CFB: variants seen among roughly 807,000 people sequenced by gnomAD.
CFB encodes complement factor B, also known as B-factor, properdin.
Under a neutral mutation model 97.2 loss-of-function variants are expected in CFB, and 59 were observed. That is an observed-to-expected ratio of 0.61 (90% CI 0.49 to 0.75). The LOEUF is 0.75. Among genes scored for constraint, CFB ranks in the 30% least tolerant of loss-of-function variants. The pLI is 0.00. For synonymous variants in CFB, 316 were observed against 351.7 expected, an observed-to-expected ratio of 0.90 and a Z score of 1.14; for missense variants, 771 against 959.8, an observed-to-expected ratio of 0.80 and a Z score of 2.60.
rs749805841 is a variant in CFB, at chr6:31,948,068, A to G, written c.884A>G (p.Asn295Ser). 1.9e-6 allele frequency: 3 copies of G among 1,614,180 alleles called. No individual in the cohort carries two copies. Among genetic ancestry groups the G allele is most frequent in the Non-Finnish European group, 2.5e-6 (3 of 1,180,054 alleles). Residue 295 changes from asparagine (N) to serine (S), a missense_variant, in exon 6 of 18, where the codon AAC (asparagine) becomes AGC (serine). Coordinates refer to ENST00000425368, the MANE Select transcript of CFB (RefSeq NM_001710.6). ...ACAGGAGCCAAAAAGTGTCTAGTCA[A>G]CTTAATTGAGAAGGTGGAATCCTCC... Reference protein sequence around the residue: ...NFTGAKKCLVNLIEKVASYGV... With the variant: ...NFTGAKKCLVSLIEKVASYGV...
At chr6:31,948,302 A>G (rs1157372047) in intron 6 of CFB, 72 bp from the exon 7 acceptor site, 14 of 1,605,882 alleles carry the variant, frequency 8.7e-6, no homozygotes, top group African/African-American at 1.3e-5. Flanking sequence ...CTGTCCCAGC[A>G]AAGTCGCTGA....
Position 31,947,847 on chromosome 6 carries a change from T to G in CFB, c.760+4T>G. On this transcript the variant is annotated splice_donor_region_variant and intron_variant, in intron 5 of 17. Coordinates refer to ENST00000425368, the MANE Select transcript of CFB (RefSeq NM_001710.6). The surrounding 1 kb of genome is among the most constrained non-coding windows in gnomAD (Gnocchi z 5.3). ...GCTGAGGATGGGCACGGCCCAGGTT[T>G]GAAGACAGAGAAGGGAGGCAGGGCA... 1 of 1,613,926 alleles carries G rather than the reference T, an allele frequency of 6.2e-7. No homozygotes were observed.
chr6:31,950,075 T>C lies in CFB; in HGVS notation c.1434T>C (p.Cys478=). Residue 478 remains cysteine (C), a synonymous_variant, in exon 11 of 18, where the codon TGT becomes TGC. Coordinates refer to ENST00000425368, the MANE Select transcript of CFB (RefSeq NM_001710.6). ...MIDESQSLSL[C]GMVWEHRKGT... ...ATGAAAGCCAGTCTCTGAGTCTCTG[T>C]GGCATGGTTTGGGAACACAGGAAGG... 6.2e-7 allele frequency: 1 copy of C among 1,613,068 alleles called. No homozygotes were observed. Among genetic ancestry groups the C allele is most frequent in the Non-Finnish European group, 8.5e-7 (1 of 1,180,038 alleles).
chr6:31,946,875 G>T lies in CFB; in HGVS notation c.299-132G>T, dbSNP rs770163335. 3.8e-5 allele frequency: 35 copies of T among 930,238 alleles called. No homozygotes were observed. Among genetic ancestry groups the T allele is most frequent in the Non-Finnish European group, 5.5e-5 (32 of 583,584 alleles). 57.6% of individuals were successfully genotyped at this position (930,238 alleles called of 1,614,324 possible). On this transcript the variant is annotated intron_variant, in intron 2 of 17. Transcript: ENST00000425368. This position sits in a 1 kb window ranked among gnomAD's most constrained non-coding sequence, Gnocchi z 6.4. Reference sequence around the variant, plus strand: ...AGTGGAAATCCATATGGGTTGAGGAGTAGGTAAGATGCTGCTTCTGCGGGA... The same window carrying T: ...AGTGGAAATCCATATGGGTTGAGGATTAGGTAAGATGCTGCTTCTGCGGGA...
chr6:31,947,400 C>T lies in CFB; in HGVS notation c.537C>T (p.Ser179=), dbSNP rs1251197649. ...GIPIGTRKVG[S]QYRLEDSVTY... is the part of the protein sequence containing the mutation. ...CCATTGGCACAAGGAAGGTGGGCAG[C>T]CAGTACCGCCTTGAAGACAGCGTCA... The change falls in exon 4 of 18, where the codon AGC becomes AGT. Residue 179 remains serine (S), a synonymous_variant. Coordinates refer to ENST00000425368, the MANE Select transcript of CFB (RefSeq NM_001710.6). The surrounding 1 kb of genome is among the most constrained non-coding windows in gnomAD (Gnocchi z 5.3). The T allele has an allele frequency of 1.2e-6, 2 of 1,612,932 alleles. No individual in the cohort carries two copies. Among genetic ancestry groups the T allele is most frequent in the Non-Finnish European group, 1.7e-6 (2 of 1,180,034 alleles).
rs747955294 is a variant in CFB at position 31,947,808 on chromosome 6, T to C, written c.725T>C (p.Ile242Thr). The change falls in exon 5 of 18, where the codon ATA (isoleucine) becomes ACA (threonine). Residue 242 changes from isoleucine to threonine, a missense_variant. Transcript: ENST00000425368. The surrounding 1 kb of genome is among the most constrained non-coding windows in gnomAD (Gnocchi z 5.3). ...EAFLSSLTETIEGVDAEDGHG... is the reference protein window; with the variant it reads ...EAFLSSLTETTEGVDAEDGHG... ...TTCCTGTCTTCCCTGACAGAGACCA[T>C]AGAAGGAGTCGATGCTGAGGATGGG... 8 of 1,613,400 alleles carry C rather than the reference T, an allele frequency of 5.0e-6. No homozygotes were observed. The highest frequency in any genetic ancestry group is 1.3e-5 in the African/African-American group (1 of 74,848).
At chr6:31,949,122 A>T in intron 8 of CFB, 121 bp from the exon 9 acceptor site, 1 of 1,423,502 alleles carries the variant, frequency 7.0e-7, no homozygotes. Flanking sequence ...AATTCTTCCT[A>T]AGCCCTGTGA....
At position 31,950,601 on chromosome 6, in the gene CFB, C is replaced by G; in HGVS notation, c.1625-18C>G. ...GGAAGCTGCCCACAAAGAGGTGGTA[C>G]CTACTCTCCTACTTCAGGAGGGGAG... On this transcript the variant is annotated intron_variant, in intron 12 of 17. Transcript: ENST00000425368. 6.2e-7 allele frequency: 1 copy of G among 1,612,832 alleles called. No individual in the cohort carries two copies. The highest frequency in any genetic ancestry group is 8.5e-7 in the Non-Finnish European group (1 of 1,179,992).
chr6:31,951,284 A>G lies in CFB; in HGVS notation c.1956+40A>G, dbSNP rs1292932366. The G allele has an allele frequency of 2.5e-6, 4 of 1,613,646 alleles. No individual in the cohort carries two copies. Among genetic ancestry groups the G allele is most frequent in the Non-Finnish European group, 3.4e-6 (4 of 1,179,998 alleles). Reference sequence around the variant, plus strand: ...TCCTAAGGAGGCACTCTAGGCCCCAATCCTTCCTAAGCCACTTCTGTTCAT... The same window carrying G: ...TCCTAAGGAGGCACTCTAGGCCCCAGTCCTTCCTAAGCCACTTCTGTTCAT... On this transcript the variant is annotated intron_variant, in intron 15 of 17. Transcript: ENST00000425368. The surrounding 1 kb of genome is among the most constrained non-coding windows in gnomAD (Gnocchi z 4.3).
At position 31,949,186 on chromosome 6, in the gene CFB, C is replaced by T. The variant is rs1004455871; in HGVS notation, c.1169-57C>T. On this transcript the variant is annotated intron_variant, in intron 8 of 17. Coordinates refer to ENST00000425368, the MANE Select transcript of CFB (RefSeq NM_001710.6). ...GCTCACCCTGCCATGTGTATCCCTGCCTTTAGCCAGTTTATCTTCCTTATC... is the reference window on the plus strand; with the variant it reads ...GCTCACCCTGCCATGTGTATCCCTGTCTTTAGCCAGTTTATCTTCCTTATC... 5 of 1,574,954 alleles carry T rather than the reference C, an allele frequency of 3.2e-6. No individual in the cohort carries two copies. In the African/African-American group the frequency reaches 6.7e-5, roughly 21 times the overall value.
rs1771493491 is a variant in CFB, at chr6:31,947,306, C to T, written c.485-42C>T. 6.2e-7 allele frequency: 1 copy of T among 1,612,604 alleles called. No individual in the cohort carries two copies. Among genetic ancestry groups the T allele is most frequent in the South Asian group, 1.1e-5 (1 of 91,088 alleles). On this transcript the variant is annotated intron_variant, in intron 3 of 17. Transcript: ENST00000425368. This position sits in a 1 kb window ranked among gnomAD's most constrained non-coding sequence, Gnocchi z 5.3. ...TTGCTCTCTACCTTGCTCACGGGGC[C>T]TCAGGCTTCAGTGCTTACCTCGATG...
chr6:31,950,384 C>CTCAA lies in CFB; in HGVS notation c.1610_1613dup (p.Lys538AsnfsTer26). 1 of 1,612,954 alleles carries CTCAA rather than the reference C, an allele frequency of 6.2e-7. No homozygotes were observed. The highest frequency in any genetic ancestry group is 8.5e-7 in the Non-Finnish European group (1 of 1,180,000). ...GTTTCACTGTGGATGACAAGGAACA[C>CTCAA]TCAATCAAGGTCAGCGTAGGTAAGG... On this transcript the variant is annotated frameshift_variant, in exon 12 of 18. Coordinates refer to ENST00000425368, the MANE Select transcript of CFB (RefSeq NM_001710.6). LOFTEE classifies it high-confidence loss of function.
chr6:31,950,241 G>A, intron 11 of CFB, 45 bp from the exon 12 acceptor site: 2 of 1,606,846 alleles, frequency 1.2e-6, no homozygotes, highest in Non-Finnish European at 1.7e-6. Context: ...AAGAGATGGT[G>A]GTTTGTGAAA....
chr6:31,951,659 A>C lies in CFB; in HGVS notation c.2139+55A>C, dbSNP rs1005845088. 1 of 1,609,346 alleles carries C rather than the reference A, an allele frequency of 6.2e-7. No individual in the cohort carries two copies. The highest frequency in any genetic ancestry group is 8.5e-7 in the Non-Finnish European group (1 of 1,175,612). ...TGCCAAGTGGTCAGCATGGGCCCCA[A>C]AGCAGGAAAGCTCAATGCATGTGGC... is the stretch of plus-strand genomic sequence containing the variant. On this transcript the variant is annotated intron_variant, in intron 17 of 17. Transcript: ENST00000425368. This position sits in a 1 kb window ranked among gnomAD's most constrained non-coding sequence, Gnocchi z 4.3.
chr6:31,950,001 T>C, intron 10 of CFB, 49 bp from the exon 11 acceptor site: 1 of 1,582,732 alleles, frequency 6.3e-7, no homozygotes. Context: ...CTGCTGCCAT[T>C]TGGGAATGAA....
chr6:31,951,166 G>A lies in CFB; in HGVS notation c.1878G>A (p.Gln626=), dbSNP rs779782561. 2.7e-5 allele frequency: 44 copies of A among 1,613,046 alleles called. No individual in the cohort carries two copies. The South Asian group carries it at 3.2e-4, about 12-fold the overall frequency. Residue 626 remains glutamine (Q), a synonymous_variant, in exon 15 of 18, where the codon CAG becomes CAA. Transcript: ENST00000425368. This position sits in a 1 kb window ranked among gnomAD's most constrained non-coding sequence, Gnocchi z 4.3. ...CAGAGGAAGAGCTGCTCCCTGCACA[G>A]GATATCAAAGCTCTGTTTGTGTCTG... ...QQQKEELLPA[Q]DIKALFVSEE...
rs371661852 is a variant in CFB at position 31,949,671 on chromosome 6, C to T, written c.1408+114C>T. ...GCCTGGAAAGCCTTCTTCATTCCTC[C>T]TTCTCTACCTCAGTGTCACTATTCT... On this transcript the variant is annotated intron_variant, in intron 10 of 17. Coordinates refer to ENST00000425368, the MANE Select transcript of CFB (RefSeq NM_001710.6). 53 of 1,254,006 alleles carry T rather than the reference C, an allele frequency of 4.2e-5. No individual in the cohort carries two copies. The African/African-American group carries it at 7.3e-4, about 17-fold the overall frequency. 77.7% of individuals were successfully genotyped at this position (1,254,006 alleles called of 1,614,324 possible).
intron 12 of CFB, 25 bp downstream of exon 12, chr6:31,950,428 G>C: frequency 6.2e-7 from 1 of 1,601,766 alleles, no homozygotes. Flanking sequence ...GAAGGTCCTG[G>C]GCTGCACCTA....
rs950175817 is a variant in CFB, at chr6:31,947,042, G to A, written c.334G>A (p.Gly112Arg). 1 of 1,612,952 alleles carries A rather than the reference G, an allele frequency of 6.2e-7. No homozygotes were observed. The highest frequency in any genetic ancestry group is 8.5e-7 in the Non-Finnish European group (1 of 1,180,008). ...HCPRPHDFENGEYWPRSPYYN... is the reference protein window; with the variant it reads ...HCPRPHDFENREYWPRSPYYN... ...TCCAAGACCACACGACTTCGAGAAC[G>A]GGGAATACTGGCCCCGGTCTCCCTA... The change falls in exon 3 of 18, where the codon GGG becomes AGG. Residue 112 changes from glycine to arginine, a missense_variant. By Grantham distance (125) the Gly-to-Arg change is moderately radical. Coordinates refer to ENST00000425368, the MANE Select transcript of CFB (RefSeq NM_001710.6). The surrounding 1 kb of genome is among the most constrained non-coding windows in gnomAD (Gnocchi z 5.3).
Sources: allele counts gnomAD v4.1 joint callset, GRCh38; gene constraint gnomAD v4.1.1; non-coding constraint Gnocchi (gnomAD v3.1); transcripts MANE v1.5; gene names NCBI Gene and HGNC (gene_info 2026-07-23, HGNC 2026-07-21).